DLGAP1: variants seen among roughly 807,000 people sequenced by gnomAD.
DLGAP1 encodes disks large-associated protein 1.
A neutral mutation model predicts 90.8 loss-of-function variants in DLGAP1; 11 were observed. That is an observed-to-expected ratio of 0.12 (90% confidence interval 0.08 to 0.20). The LOEUF (loss-of-function observed/expected upper bound fraction) is 0.20, where lower values mean the gene tolerates loss of function less well. Among genes scored for constraint, DLGAP1 ranks in the 10% least tolerant of loss-of-function variants. The pLI, the probability that DLGAP1 is intolerant of heterozygous loss-of-function variation, is 1.00. For missense variants in DLGAP1, 1,050 were observed against 1,333.8 expected (o/e 0.79, Z 3.31); for synonymous variants, 558 against 540.7 (o/e 1.03, Z -0.44).
rs12962069 is a variant in DLGAP1, at chr18:3,929,081, G to A, written c.-72-48941C>T. 1.5e-3 allele frequency among the ~76,000 whole-genome samples: 223 copies of A among 152,212 alleles called. 2 individuals are homozygous for A. Among genetic ancestry groups the A allele is most frequent in the Middle Eastern group, 3.4e-3 (1 of 294 alleles). ...CTTCTACTATCATTGTAAGTTTCCTGAGGTCTCCCAGCCATGGAGAACTGT... is the reference window on the plus strand; with the variant it reads ...CTTCTACTATCATTGTAAGTTTCCTAAGGTCTCCCAGCCATGGAGAACTGT... On this transcript the variant is annotated intron_variant, in intron 3 of 12. Transcript: ENST00000315677.
At chr18:3,817,782 C>T (rs375957346) in intron 4 of DLGAP1, among the ~76,000 whole-genome samples, 1 of 152,184 alleles carries the variant, frequency 6.6e-6, no homozygotes, top group South Asian at 2.1e-4. Context: ...GCTGCAGCTG[C>T]TATTGTGAGC....
chr18:3,858,478 A>T (rs1252411785), intron 4 of DLGAP1, among the ~76,000 whole-genome samples: 1 of 3,332 alleles, frequency 3.0e-4, no homozygotes, highest in East Asian at 8.3e-3. Flanking sequence ...AAAGGGAAAC[A>T]TATATATATA....
At chr18:4,029,089 TGTAA>T (rs1254812526) in intron 2 of DLGAP1, among the ~76,000 whole-genome samples, 2 of 152,212 alleles carry the variant, frequency 1.3e-5, no homozygotes, top group African/African-American at 4.8e-5. Flanking sequence ...AGATTACACA[TGTAA>T]GTGAGATCAT....
chr18:4,006,550 G>A (rs556940425), intron 2 of DLGAP1, among the ~76,000 whole-genome samples: 29 of 152,120 alleles, frequency 1.9e-4, no homozygotes, highest in African/African-American at 7.0e-4. Context: ...GTTGGAGGAG[G>A]GTTAATCATA....
At chr18:4,353,926 A>G (rs1396702043) in intron 1 of DLGAP1, among the ~76,000 whole-genome samples, 1 of 152,154 alleles carries the variant, frequency 6.6e-6, no homozygotes, top group East Asian at 1.9e-4. Flanking sequence ...GCTGTGAGCT[A>G]CTGTAAATTT....
intron 2 of DLGAP1, among the ~76,000 whole-genome samples, chr18:4,144,197 T>C (rs2076542442): frequency 6.6e-6 from 1 of 152,162 alleles, no homozygotes; most frequent in Non-Finnish European, 1.5e-5. Flanking sequence ...ATTGCAGTCC[T>C]TGTGGCCTAG....
At chr18:3,641,586 T>TATAC (rs377536387) in intron 7 of DLGAP1, among the ~76,000 whole-genome samples, 2,422 of 135,456 alleles carry the variant, frequency 0.018, 90 homozygotes, top group African/African-American at 0.064. Context: ...CATATATATA[T>TATAC]ACACACACAC....
intron 6 of DLGAP1, among the ~76,000 whole-genome samples, chr18:3,736,721 T>TA (rs1024796052): frequency 1.3e-5 from 2 of 152,168 alleles, no homozygotes; most frequent in African/African-American, 4.8e-5. Flanking sequence ...TCCTTAAAGA[T>TA]ACTGTGTTAC....
chr18:3,511,461 CTG>C (rs1251228238), intron 10 of DLGAP1, among the ~76,000 whole-genome samples: 1 of 151,144 alleles, frequency 6.6e-6, no homozygotes, highest in Non-Finnish European at 1.5e-5. Flanking sequence ...AATAAAAAGA[CTG>C]AAAGTTGATA....
chr18:4,406,607 G>A (rs2082669888), intron 1 of DLGAP1, among the ~76,000 whole-genome samples: 1 of 152,276 alleles, frequency 6.6e-6, no homozygotes, highest in Admixed American at 6.5e-5. Context: ...TTTTTGCCAG[G>A]TGGGAAGAGA....
At chr18:4,142,185 T>C (rs1042076852) in intron 2 of DLGAP1, among the ~76,000 whole-genome samples, 12 of 152,218 alleles carry the variant, frequency 7.9e-5, no homozygotes, top group African/African-American at 2.9e-4. Flanking sequence ...TACTCAAAAA[T>C]TGTAAGTCAT....
intron 4 of DLGAP1, among the ~76,000 whole-genome samples, chr18:3,822,327 G>A (rs1043544715): frequency 5.3e-5 from 8 of 152,064 alleles, no homozygotes; most frequent in Admixed American, 4.6e-4. Context: ...TGATACATAC[G>A]GTAATTTGCT....
intron 3 of DLGAP1, among the ~76,000 whole-genome samples, chr18:3,937,486 A>G (rs1372417251): frequency 2.0e-5 from 3 of 152,124 alleles, no homozygotes; most frequent in South Asian, 2.1e-4. Context: ...TGATTCAATT[A>G]TCTCCACGTG....
intron 1 of DLGAP1, among the ~76,000 whole-genome samples, chr18:4,349,770 G>C (rs2143962990): frequency 6.6e-6 from 1 of 152,082 alleles, no homozygotes; most frequent in East Asian, 1.9e-4. Context: ...AGTACTTCTG[G>C]GGGTGTTAAT....
intron 2 of DLGAP1, among the ~76,000 whole-genome samples, chr18:4,150,482 C>G (rs2144396338): frequency 6.6e-6 from 1 of 152,242 alleles, no homozygotes; most frequent in East Asian, 1.9e-4. Context: ...CCTGTGCCTT[C>G]CAGGTTCAAG....
chr18:4,255,055 C>T (rs970642517), intron 1 of DLGAP1, among the ~76,000 whole-genome samples: 1 of 152,156 alleles, frequency 6.6e-6, no homozygotes, highest in African/African-American at 2.4e-5. Flanking sequence ...CTGGGCAAAG[C>T]AGAGCCGAGT....
chr18:4,407,870 A>G (rs938798202), intron 1 of DLGAP1, among the ~76,000 whole-genome samples: 6 of 66,680 alleles, frequency 9.0e-5, no homozygotes, highest in African/African-American at 2.6e-4. Flanking sequence ...CTAAATAAAT[A>G]AATAAATAAA....
At chr18:3,719,694 C>A (rs1207207329) in intron 7 of DLGAP1, among the ~76,000 whole-genome samples, 1 of 151,584 alleles carries the variant, frequency 6.6e-6, no homozygotes, top group Non-Finnish European at 1.5e-5. Flanking sequence ...TATGTACTAT[C>A]TTTGTAATTT....
intron 5 of DLGAP1, among the ~76,000 whole-genome samples, chr18:3,801,336 G>A (rs1434720269): frequency 9.2e-5 from 14 of 152,254 alleles, no homozygotes; most frequent in Non-Finnish European, 2.1e-4. Context: ...GTGTAACTTC[G>A]TATATCAGCC....
Sources: gnomAD v4.1 joint callset for allele counts (sites outside exome capture counted in the v4.1 genomes callset) on GRCh38, gnomAD v4.1.1 for gene constraint, MANE v1.5 for transcripts, NCBI Gene and HGNC (gene_info 2026-07-23, HGNC 2026-07-21) for gene names.